EPHB1: variants seen among roughly 807,000 people sequenced by gnomAD.
EPHB1 encodes EPH receptor B1.
Under a neutral mutation model 94.4 loss-of-function variants are expected in EPHB1, and 30 were observed. That is an observed-to-expected ratio of 0.32 (90% CI 0.24 to 0.43). EPHB1 has a LOEUF of 0.43. Among genes scored for constraint, EPHB1 ranks in the 20% least tolerant of loss-of-function variants. The pLI is 1.00. For missense variants in EPHB1, 1,055 were observed against 1,308.3 expected, an observed-to-expected ratio of 0.81 and a Z score of 2.99; for synonymous variants, 522 against 489.1, an observed-to-expected ratio of 1.07 and a Z score of -0.89.
chr3:135,074,268 A>G (rs1192501059), intron 3 of EPHB1, among the ~76,000 whole-genome samples: 1 of 152,218 alleles, frequency 6.6e-6, no homozygotes, highest in Non-Finnish European at 1.5e-5. Context: ...GTGTTTAAAT[A>G]TCATCATGAG....
chr3:134,971,127 A>G (rs36126), intron 3 of EPHB1, among the ~76,000 whole-genome samples: 101,315 of 152,106 alleles, frequency 0.67, 36,017 homozygotes, highest in African/African-American at 0.92. Context: ...CTTTCAACTG[A>G]CTAACAGTGC....
chr3:135,003,912 A>C (rs1389711156), intron 3 of EPHB1, among the ~76,000 whole-genome samples: 1 of 152,032 alleles, frequency 6.6e-6, no homozygotes, highest in Non-Finnish European at 1.5e-5. Flanking sequence ...CTCTTTATCC[A>C]ATTTGCCAGT....
At chr3:135,199,326 T>G (rs560165640) in intron 11 of EPHB1, among the ~76,000 whole-genome samples, 27 of 152,264 alleles carry the variant, frequency 1.8e-4, no homozygotes, top group Admixed American at 1.6e-3. Flanking sequence ...GAGACCTACT[T>G]GGAGAAAATG....
At chr3:134,851,011 C>T (rs1040521786) in intron 1 of EPHB1, among the ~76,000 whole-genome samples, 13 of 152,236 alleles carry the variant, frequency 8.5e-5, no homozygotes, top group African/African-American at 2.9e-4. Flanking sequence ...AGGCCTTTTT[C>T]TCCTCTTCCT....
At chr3:135,250,528 C>G (rs1190906258) in intron 15 of EPHB1, among the ~76,000 whole-genome samples, 1 of 152,080 alleles carries the variant, frequency 6.6e-6, no homozygotes, top group Non-Finnish European at 1.5e-5. Flanking sequence ...ACTCCCATAC[C>G]TTCTGATTAG....
At chr3:134,810,276 A>AGTGTGTGTGTGTGT (rs35841212) in intron 1 of EPHB1, among the ~76,000 whole-genome samples, 4,070 of 145,818 alleles carry the variant, frequency 0.028, 92 homozygotes, top group South Asian at 0.061. Flanking sequence ...GCACAGGAGG[A>AGTGTGTGTGTGTGT]GTGTGTGTGT....
intron 1 of EPHB1, among the ~76,000 whole-genome samples, chr3:134,848,712 A>C (rs1217363298): frequency 6.6e-6 from 1 of 152,230 alleles, no homozygotes; most frequent in Non-Finnish European, 1.5e-5. Context: ...GTTGGTAGGC[A>C]GTCTTCAGCC....
chr3:134,943,200 C>T (rs929980074), intron 2 of EPHB1, among the ~76,000 whole-genome samples: 1 of 152,154 alleles, frequency 6.6e-6, no homozygotes, highest in Non-Finnish European at 1.5e-5. Context: ...GAGTGGTTTC[C>T]AAGCCACATC....
intron 2 of EPHB1, among the ~76,000 whole-genome samples, chr3:134,931,741 ATAAG>A (rs1203078000): frequency 6.6e-6 from 1 of 152,198 alleles, no homozygotes; most frequent in African/African-American, 2.4e-5. Flanking sequence ...CTTTAGAAAT[ATAAG>A]TATGTGTGTG....
chr3:135,165,015 T>C (rs1034027822), intron 7 of EPHB1, among the ~76,000 whole-genome samples: 2 of 152,222 alleles, frequency 1.3e-5, no homozygotes, highest in African/African-American at 2.4e-5. Context: ...CATTCGTATT[T>C]GCTATAGCTG....
intron 10 of EPHB1, among the ~76,000 whole-genome samples, chr3:135,187,489 A>G (rs928107362): frequency 2.6e-4 from 39 of 152,328 alleles, no homozygotes; most frequent in African/African-American, 8.9e-4. Context: ...ATTACAGGAA[A>G]ATTATCAAAA....
chr3:134,941,017 A>G (rs2039105141), intron 2 of EPHB1, among the ~76,000 whole-genome samples: 1 of 152,232 alleles, frequency 6.6e-6, no homozygotes, highest in Admixed American at 6.5e-5. Flanking sequence ...TCCTGTCTTA[A>G]ATAAAGGTGT....
chr3:134,976,913 T>C (rs1377453930), intron 3 of EPHB1, among the ~76,000 whole-genome samples: 1 of 152,172 alleles, frequency 6.6e-6, no homozygotes, highest in African/African-American at 2.4e-5. Context: ...TCCTTGGAAA[T>C]GTAGGTGCTA....
In EPHB1 at chr3:135,127,450, C is replaced by T. The variant is rs190730100; in HGVS notation, c.962-5264C>T. ...CCACTGTGGTTGCCACCTTCACCATCACCCAATGGGGAGGGATCCCAGGAC... is the reference window on the plus strand; with the variant it reads ...CCACTGTGGTTGCCACCTTCACCATTACCCAATGGGGAGGGATCCCAGGAC... On this transcript the variant is annotated intron_variant, in intron 4 of 15. Transcript: ENST00000398015. 1.1e-3 allele frequency among the ~76,000 whole-genome samples: 161 copies of T among 152,262 alleles called. 1 individual carries two copies. In the Middle Eastern group the frequency reaches 0.014, roughly 13 times the overall value.
intron 3 of EPHB1, among the ~76,000 whole-genome samples, chr3:134,998,018 C>T (rs184057713): frequency 2.4e-4 from 36 of 152,298 alleles, no homozygotes; most frequent in Admixed American, 2.0e-3. Context: ...TCAGTTTGCA[C>T]CAGCTGTGGA....
intron 3 of EPHB1, among the ~76,000 whole-genome samples, chr3:134,974,732 T>C (rs1199244500): frequency 6.6e-6 from 1 of 152,234 alleles, no homozygotes; most frequent in South Asian, 2.1e-4. Context: ...GCATATTGCC[T>C]GTTTCTTTCC....
chr3:134,968,405 C>T (rs1202251409), intron 3 of EPHB1, among the ~76,000 whole-genome samples: 5 of 152,144 alleles, frequency 3.3e-5, no homozygotes, highest in Non-Finnish European at 7.3e-5. Context: ...AAGGCTTAGA[C>T]AACATGATCT....
intron 1 of EPHB1, among the ~76,000 whole-genome samples, chr3:134,896,865 T>G (rs1280934510): frequency 6.6e-6 from 1 of 152,056 alleles, no homozygotes; most frequent in Non-Finnish European, 1.5e-5. Context: ...CGAGTGGAGG[T>G]TGGCGAAGGG....
At chr3:135,125,539 G>C (rs1484199369) in intron 4 of EPHB1, among the ~76,000 whole-genome samples, 1 of 152,172 alleles carries the variant, frequency 6.6e-6, no homozygotes, top group Non-Finnish European at 1.5e-5. Flanking sequence ...GAGGAAGAGA[G>C]CTGAACTTAG....
Sources: gnomAD v4.1 joint callset for allele counts (sites outside exome capture counted in the v4.1 genomes callset) on GRCh38, gnomAD v4.1.1 for gene constraint, MANE v1.5 for transcripts, NCBI Gene and HGNC (gene_info 2026-07-23, HGNC 2026-07-21) for gene names.